FAM169A: variants seen among roughly 807,000 people sequenced by gnomAD.
FAM169A encodes the protein soluble lamin-associated protein of 75 kDa.
A neutral mutation model predicts 75.7 loss-of-function variants in FAM169A; 24 were observed. That is an observed-to-expected ratio of 0.32 (90% CI 0.23 to 0.45). The LOEUF (loss-of-function observed/expected upper bound fraction) is 0.45, where lower values mean the gene tolerates loss of function less well. FAM169A is among the 20% of genes least tolerant of loss of function. The pLI, the probability that FAM169A is intolerant of heterozygous loss-of-function variation, is 1.00. For synonymous variants in FAM169A, 271 were observed against 271.0 expected (o/e 1.00, Z 0.00); for missense variants, 673 against 784.0 (o/e 0.86, Z 1.69).
chr5:74,816,449 T>C (rs1747476156), intron 5 of FAM169A, among the ~76,000 whole-genome samples: 1 of 152,206 alleles, frequency 6.6e-6, no homozygotes. Context: ...AGTGTTAAAA[T>C]GGCCAGTTTA....
At chr5:74,830,282 G>C (rs1322773992) in intron 5 of FAM169A, among the ~76,000 whole-genome samples, 2 of 152,108 alleles carry the variant, frequency 1.3e-5, no homozygotes, top group Non-Finnish European at 2.9e-5. Flanking sequence ...AAAGAAAGAA[G>C]TAAACTATAA....
At chr5:74,795,714 T>C (rs1746237397) in intron 11 of FAM169A, among the ~76,000 whole-genome samples, 1 of 152,214 alleles carries the variant, frequency 6.6e-6, no homozygotes, top group African/African-American at 2.4e-5. Context: ...ATATCATTTG[T>C]GTATGTAAGT....
intron 5 of FAM169A, among the ~76,000 whole-genome samples, chr5:74,815,108 C>T (rs2112580527): frequency 6.6e-6 from 1 of 152,264 alleles, no homozygotes; most frequent in African/African-American, 2.4e-5. Context: ...CTTTCTGGAA[C>T]AATCTCCGAG....
intron 1 of FAM169A, among the ~76,000 whole-genome samples, chr5:74,858,589 G>A (rs1002303642): frequency 1.3e-5 from 2 of 152,114 alleles, no homozygotes; most frequent in Non-Finnish European, 2.9e-5. Flanking sequence ...CTTGAAGGTA[G>A]AGGGTGGGAG....
chr5:74,841,780 T>C (rs563425702), intron 1 of FAM169A, 101 bp from the exon 2 acceptor site: 8 of 1,082,242 alleles, frequency 7.4e-6, no homozygotes, highest in East Asian at 2.7e-5. Context: ...TATTTTGTTA[T>C]AACAAGATTT....
rs1473619961 is a variant in FAM169A at position 74,777,629 on chromosome 5, A to G, written c.*3831T>C. On this transcript the variant is annotated 3_prime_UTR_variant, in exon 13 of 13. Transcript: ENST00000687041. ...GAAGTCTGTCTTCAGAGTACAACCAATGTGATTAATTGTGCCTTTAACAAA... is the reference window on the plus strand; with the variant it reads ...GAAGTCTGTCTTCAGAGTACAACCAGTGTGATTAATTGTGCCTTTAACAAA... 3.3e-5 allele frequency: 5 copies of G among 151,834 alleles called. No homozygotes were observed. The highest frequency in any genetic ancestry group is 3.8e-4 in the East Asian group (2 of 5,200). 9.4% of individuals were successfully genotyped at this position (151,834 alleles called of 1,614,324 possible). A position where few individuals can be genotyped will look rare whatever the true frequency, so the allele number is the denominator to read the frequency against.
intron 11 of FAM169A, among the ~76,000 whole-genome samples, chr5:74,788,857 G>A (rs1450170616): frequency 1.3e-5 from 2 of 152,214 alleles, no homozygotes; most frequent in African/African-American, 2.4e-5. Flanking sequence ...CTGTGCAGAA[G>A]ACGGATCTTG....
At chr5:74,855,699 TAG>T (rs1210896737) in intron 1 of FAM169A, among the ~76,000 whole-genome samples, 3 of 152,240 alleles carry the variant, frequency 2.0e-5, no homozygotes, top group African/African-American at 7.2e-5. Context: ...CCTTGTCAGA[TAG>T]ACAGTTTGCA....
intron 6 of FAM169A, among the ~76,000 whole-genome samples, chr5:74,807,476 A>C (rs770818407): frequency 3.9e-5 from 6 of 152,208 alleles, no homozygotes; most frequent in Non-Finnish European, 8.8e-5. Context: ...AGGAAAAGAT[A>C]AAAATTCAAA....
At chr5:74,829,242 G>A (rs1748189401) in intron 5 of FAM169A, among the ~76,000 whole-genome samples, 1 of 152,026 alleles carries the variant, frequency 6.6e-6, no homozygotes, top group Non-Finnish European at 1.5e-5. Flanking sequence ...TACTCAAACG[G>A]AACGACTATA....
chr5:74,858,787 A>G (rs1366356392), intron 1 of FAM169A, among the ~76,000 whole-genome samples: 1 of 152,200 alleles, frequency 6.6e-6, no homozygotes, highest in Non-Finnish European at 1.5e-5. Context: ...TTTTTGCTAA[A>G]TTTAGCTATA....
intron 5 of FAM169A, among the ~76,000 whole-genome samples, chr5:74,828,161 T>C (rs1163746368): frequency 6.6e-6 from 1 of 152,196 alleles, no homozygotes; most frequent in Non-Finnish European, 1.5e-5. Context: ...GTGCCACATA[T>C]CACACAGTGA....
rs59106706 is a variant in FAM169A, at chr5:74,818,801, C to CTATA, written c.491-4783_491-4782insTATA. On this transcript the variant is annotated intron_variant, in intron 5 of 12. Transcript: ENST00000687041. Reference sequence around the variant, plus strand: ...TCTCTCTCTCTCTCTCTCTCTCTCTCTCTATATATATATATATATATATGT... The same window carrying CTATA: ...TCTCTCTCTCTCTCTCTCTCTCTCTCTATATCTATATATATATATATATATATGT... Among the ~76,000 whole-genome samples the CTATA allele has an allele frequency of 9.4e-3, 1,158 of 123,032 alleles. 8 individuals are homozygous for CTATA. Among genetic ancestry groups the CTATA allele is most frequent in the African/African-American group, 0.03 (875 of 28,928 alleles). The allele number at this position is 123,032 out of a possible 152,430, so 80.7% of individuals were successfully genotyped here. A position where few individuals can be genotyped will look rare whatever the true frequency, so the allele number is the denominator to read the frequency against.
At chr5:74,825,828 A>G (rs1747995272) in intron 5 of FAM169A, among the ~76,000 whole-genome samples, 1 of 152,138 alleles carries the variant, frequency 6.6e-6, no homozygotes, top group African/African-American at 2.4e-5. Context: ...GGAGGCTTTC[A>G]AAATCTTTTC....
At position 74,796,105 on chromosome 5, in the gene FAM169A, C is replaced by T. The variant is rs1175324855; in HGVS notation, c.1185G>A (p.Glu395=). The change falls in exon 11 of 13, where the codon GAG becomes GAA. Residue 395 remains glutamate (E), a synonymous_variant. Coordinates refer to ENST00000687041, the MANE Select transcript of FAM169A (RefSeq NM_001376049.1). Reference sequence around the variant, plus strand: ...GTGCATCTCTATCACTGCTTTCATCCTCAAATTCAATCCCTCTCTGTTCAG... The same window carrying T: ...GTGCATCTCTATCACTGCTTTCATCTTCAAATTCAATCCCTCTCTGTTCAG... ...EEPEQRGIEF[E]DESSDRDARP... is the part of the protein sequence containing the mutation. 9 of 1,614,014 alleles carry T rather than the reference C, an allele frequency of 5.6e-6. No individual in the cohort carries two copies. Among genetic ancestry groups the T allele is most frequent in the Non-Finnish European group, 7.6e-6 (9 of 1,180,020 alleles).
At chr5:74,789,053 T>C (rs1745840544) in intron 11 of FAM169A, among the ~76,000 whole-genome samples, 6 of 152,266 alleles carry the variant, frequency 3.9e-5, no homozygotes, top group Admixed American at 3.9e-4. Context: ...CAATTTGCGT[T>C]CGGCTGGCAA....
chr5:74,858,024 T>C (rs1284726397), intron 1 of FAM169A, among the ~76,000 whole-genome samples: 1 of 152,142 alleles, frequency 6.6e-6, no homozygotes, highest in Non-Finnish European at 1.5e-5. Flanking sequence ...TTTAGATATG[T>C]ATTATATTCT....
At chr5:74,850,740 A>G (rs1162138419) in intron 1 of FAM169A, among the ~76,000 whole-genome samples, 1 of 152,252 alleles carries the variant, frequency 6.6e-6, no homozygotes, top group Non-Finnish European at 1.5e-5. Flanking sequence ...GAGGCAAATT[A>G]TAACCAGTAT....
At chr5:74,830,863 C>T (rs1040088990) in intron 5 of FAM169A, among the ~76,000 whole-genome samples, 5 of 152,052 alleles carry the variant, frequency 3.3e-5, no homozygotes, top group African/African-American at 7.2e-5. Flanking sequence ...TTCATAATTT[C>T]GCCTATTGAG....
Sources: allele counts gnomAD v4.1 joint callset (sites outside exome capture counted in the v4.1 genomes callset), GRCh38; gene constraint gnomAD v4.1.1; transcripts MANE v1.5; gene names NCBI Gene and HGNC (gene_info 2026-07-23, HGNC 2026-07-21).